Variants in FGGY observed in about 807,000 individuals in gnomAD.
FGGY encodes the protein FGGY carbohydrate kinase domain-containing protein.
In FGGY, 72 loss-of-function variants were observed where a neutral mutation model predicts 71.3. The ratio of observed to expected loss-of-function variants is 1.01; its 90% confidence interval spans 0.84 to 1.23. FGGY has a LOEUF of 1.23. FGGY is among the 50% of genes most tolerant of loss of function. The pLI is 0.00. For synonymous variants in FGGY, 251 were observed against 250.3 expected (o/e 1.00, Z -0.02); for missense variants, 668 against 682.3 (o/e 0.98, Z 0.23).
chr1:59,641,709 C>T (rs1323332095), intron 11 of FGGY, among the ~76,000 whole-genome samples: 1 of 152,006 alleles, frequency 6.6e-6, no homozygotes, highest in Non-Finnish European at 1.5e-5. Flanking sequence ...TTCATGCAGG[C>T]CTTAGGAATT....
At chr1:59,523,567 A>G (rs541091728) in intron 7 of FGGY, among the ~76,000 whole-genome samples, 1 of 152,162 alleles carries the variant, frequency 6.6e-6, no homozygotes, top group East Asian at 1.9e-4. Context: ...GCCTCAGTAC[A>G]CTCTGTAGCT....
chr1:59,346,377 G>A lies in FGGY; in HGVS notation c.444G>A (p.Pro148=), dbSNP rs369156820. The part of the protein sequence containing the change: ...GGVMSVEMQA[P]KLLWLKENLR... ...TGATGTCTGTGGAAATGCAGGCCCC[G>A]AAACTTCTGTGGCTGAAAGAGGTGA... The change falls in exon 4 of 16, where the codon CCG becomes CCA. Residue 148 remains proline (P), a synonymous_variant. Transcript: ENST00000303721. The A allele has an allele frequency of 1.3e-4, 207 of 1,611,266 alleles. No individual in the cohort carries two copies. The highest frequency in any genetic ancestry group is 1.6e-4 in the Non-Finnish European group (186 of 1,179,490).
chr1:59,325,988 A>G (rs2047369480), intron 2 of FGGY, among the ~76,000 whole-genome samples: 1 of 152,234 alleles, frequency 6.6e-6, no homozygotes, highest in Non-Finnish European at 1.5e-5. Context: ...GCAGTCCACG[A>G]TTTTAAAGGT....
chr1:59,410,212 G>C lies in FGGY; in HGVS notation c.554+31375G>C, dbSNP rs550488350. On this transcript the variant is annotated intron_variant, in intron 5 of 15. Coordinates refer to ENST00000303721, the MANE Select transcript of FGGY (RefSeq NM_018291.5). ...AAGCAGAGGTAGGCTTGCTTTCTTA[G>C]TTTCAGTTTTCTGAGAAACAAAGAT... Among the ~76,000 whole-genome samples the C allele has an allele frequency of 3.9e-5, 6 of 152,280 alleles. No homozygotes were observed. The South Asian group carries it at 1.2e-3, about 32-fold the overall frequency.
intron 6 of FGGY, among the ~76,000 whole-genome samples, chr1:59,484,691 A>G (rs937608402): frequency 4.6e-5 from 7 of 152,208 alleles, no homozygotes; most frequent in Admixed American, 3.3e-4. Context: ...CATAATTAAT[A>G]TGAAGTAAAT....
intron 12 of FGGY, among the ~76,000 whole-genome samples, chr1:59,661,069 A>G (rs185684730): frequency 6.6e-6 from 1 of 152,342 alleles, no homozygotes; most frequent in East Asian, 1.9e-4. Flanking sequence ...GAGAATAGGA[A>G]TTAACAGAAA....
At chr1:59,507,182 G>C (rs2094407512) in intron 6 of FGGY, among the ~76,000 whole-genome samples, 1 of 152,202 alleles carries the variant, frequency 6.6e-6, no homozygotes, top group Non-Finnish European at 1.5e-5. Flanking sequence ...GCTGGATTGG[G>C]TACAGCTCTG....
At chr1:59,587,305 G>A (rs943057547) in intron 8 of FGGY, among the ~76,000 whole-genome samples, 2 of 152,060 alleles carry the variant, frequency 1.3e-5, no homozygotes, top group African/African-American at 4.8e-5. Context: ...CTCGAACTGG[G>A]TGGAGCCCAC....
chr1:59,556,768 C>T (rs188753181), intron 8 of FGGY, among the ~76,000 whole-genome samples: 1 of 152,190 alleles, frequency 6.6e-6, no homozygotes, highest in Admixed American at 6.5e-5. Context: ...TAGCACACAG[C>T]AGACACTCAA....
rs74086261 is a variant in FGGY at position 59,641,468 on chromosome 1, A to G, written c.1221+3093A>G. 1.0e-3 allele frequency: 773 copies of G among 776,450 alleles called. 21 individuals carry two copies. In the African/African-American group the frequency reaches 0.012, roughly 12 times the overall value. 48.1% of individuals were successfully genotyped at this position (776,450 alleles called of 1,614,324 possible). A position where few individuals can be genotyped will look rare whatever the true frequency, so the allele number is the denominator to read the frequency against. On this transcript the variant is annotated intron_variant, in intron 11 of 15. Coordinates refer to ENST00000303721, the MANE Select transcript of FGGY (RefSeq NM_018291.5). The stretch of plus-strand genomic sequence containing the variant: ...ATACAAAGAAAACAGAAAAGTACCT[A>G]TCCTAAGTTCACATAAAAGTAGGGG...
chr1:59,619,304 A>C (rs2096786606), intron 9 of FGGY, among the ~76,000 whole-genome samples: 1 of 152,048 alleles, frequency 6.6e-6, no homozygotes, highest in Admixed American at 6.6e-5. Flanking sequence ...ACCCTTCTCA[A>C]GCTTACATTC....
At chr1:59,443,247 T>A (rs1322795091) in intron 5 of FGGY, among the ~76,000 whole-genome samples, 2 of 152,194 alleles carry the variant, frequency 1.3e-5, no homozygotes, top group Admixed American at 6.5e-5. Flanking sequence ...TAAGATGATT[T>A]TTTTAGATAC....
intron 4 of FGGY, among the ~76,000 whole-genome samples, chr1:59,368,705 A>G (rs2057001201): frequency 6.6e-6 from 1 of 152,228 alleles, no homozygotes; most frequent in Admixed American, 6.5e-5. Flanking sequence ...TTTCTGCAGA[A>G]CTAGACTAAA....
intron 8 of FGGY, among the ~76,000 whole-genome samples, chr1:59,562,302 G>C (rs565179965): frequency 1.3e-5 from 2 of 152,232 alleles, no homozygotes; most frequent in South Asian, 4.2e-4. Context: ...AGCAGTAAAA[G>C]GGAATGAACC....
chr1:59,360,804 AAT>A (rs1400532722), intron 4 of FGGY, among the ~76,000 whole-genome samples: 3 of 152,186 alleles, frequency 2.0e-5, no homozygotes. Flanking sequence ...AAATTTTAAA[AAT>A]AGTGCTTTTT....
chr1:59,474,107 CAGA>C (rs1395808539), intron 6 of FGGY: 1 of 152,222 alleles, frequency 6.6e-6, no homozygotes, highest in East Asian at 1.9e-4. Flanking sequence ...CTTAGATTCG[CAGA>C]AGGACTGTTT....
chr1:59,591,723 A>G (rs1210657348), intron 8 of FGGY, among the ~76,000 whole-genome samples: 3 of 152,222 alleles, frequency 2.0e-5, no homozygotes, highest in Non-Finnish European at 4.4e-5. Flanking sequence ...TGCTGGGAAA[A>G]CTGGCTAGCC....
intron 14 of FGGY, among the ~76,000 whole-genome samples, chr1:59,745,278 C>A (rs1177625712): frequency 6.6e-6 from 1 of 152,110 alleles, no homozygotes; most frequent in Non-Finnish European, 1.5e-5. Flanking sequence ...AATTGGAGAT[C>A]CAAAAGCAGG....
chr1:59,659,098 A>T (rs971648233), intron 11 of FGGY, among the ~76,000 whole-genome samples: 12 of 152,180 alleles, frequency 7.9e-5, no homozygotes, highest in Non-Finnish European at 1.6e-4. Context: ...GCTACTGGGG[A>T]GGCTGAGGCA....
Sources: gnomAD v4.1 joint callset for allele counts (sites outside exome capture counted in the v4.1 genomes callset) on GRCh38, gnomAD v4.1.1 for gene constraint, MANE v1.5 for transcripts, NCBI Gene and HGNC (gene_info 2026-07-23, HGNC 2026-07-21) for gene names.